Variants in GALNTL6 observed in about 807,000 individuals in gnomAD.
GALNTL6 encodes the protein polypeptide N-acetylgalactosaminyltransferase like 6, also known as polypeptide N-acetylgalactosaminyltransferase-like 6.
GALNTL6 carries 46 observed loss-of-function variants against 73.7 expected under a neutral mutation model. The observed-to-expected ratio is 0.62, with a 90% confidence interval of 0.49 to 0.80. The LOEUF is 0.80. GALNTL6 is among the 30% of genes least tolerant of loss of function. The pLI, the probability that GALNTL6 is intolerant of heterozygous loss-of-function variation, is 0.00. For missense variants in GALNTL6, 604 were observed against 755.0 expected, an observed-to-expected ratio of 0.80 and a Z score of 2.34; for synonymous variants, 259 against 263.7, an observed-to-expected ratio of 0.98 and a Z score of 0.17.
chr4:172,574,964 ACG>A (rs1236551118), intron 5 of GALNTL6, among the ~76,000 whole-genome samples: 2 of 141,254 alleles, frequency 1.4e-5, no homozygotes, highest in Admixed American at 7.1e-5. Flanking sequence ...ACACACACAC[ACG>A]ATTAGAAAGT....
At chr4:171,819,772 T>C (rs969349161) in intron 2 of GALNTL6, among the ~76,000 whole-genome samples, 2 of 152,154 alleles carry the variant, frequency 1.3e-5, no homozygotes, top group African/African-American at 4.8e-5. Flanking sequence ...GACTTAGATA[T>C]GTTTCGTGCA....
chr4:172,950,195 CCATGT>C (rs1749375980), intron 9 of GALNTL6, among the ~76,000 whole-genome samples: 1 of 152,132 alleles, frequency 6.6e-6, no homozygotes, highest in Non-Finnish European at 1.5e-5. Flanking sequence ...TATTACAAAA[CCATGT>C]TGACTCTGAT....
At chr4:172,413,887 A>G (rs1490659864) in intron 5 of GALNTL6, among the ~76,000 whole-genome samples, 1 of 152,148 alleles carries the variant, frequency 6.6e-6, no homozygotes, top group African/African-American at 2.4e-5. Flanking sequence ...ATGTCTAAGA[A>G]TATGAAAAGT....
At chr4:172,433,460 T>C (rs1411419481) in intron 5 of GALNTL6, among the ~76,000 whole-genome samples, 1 of 152,096 alleles carries the variant, frequency 6.6e-6, no homozygotes, top group Non-Finnish European at 1.5e-5. Context: ...CCCTGCCTGA[T>C]GGACACGGCT....
At chr4:172,365,087 G>A (rs1426765974) in intron 5 of GALNTL6, among the ~76,000 whole-genome samples, 2 of 152,174 alleles carry the variant, frequency 1.3e-5, no homozygotes, top group African/African-American at 2.4e-5. Context: ...GGTTTATTTT[G>A]GAGAATAAAT....
intron 5 of GALNTL6, among the ~76,000 whole-genome samples, chr4:172,657,419 A>C (rs1731090767): frequency 6.6e-6 from 1 of 152,212 alleles, no homozygotes; most frequent in Non-Finnish European, 1.5e-5. Context: ...GAAGTAAAAT[A>C]AGCCCATAGC....
At chr4:172,475,997 A>G (rs1345527491) in intron 5 of GALNTL6, among the ~76,000 whole-genome samples, 1 of 152,228 alleles carries the variant, frequency 6.6e-6, no homozygotes, top group African/African-American at 2.4e-5. Context: ...AATTAAAGAT[A>G]TAACTGCAAT....
At chr4:172,001,135 C>T (rs757841690) in intron 2 of GALNTL6, among the ~76,000 whole-genome samples, 10 of 151,992 alleles carry the variant, frequency 6.6e-5, no homozygotes, top group East Asian at 1.9e-4. Context: ...AAAGAATCTT[C>T]GCAACAAAAG....
At chr4:172,379,341 T>C (rs1743172195) in intron 5 of GALNTL6, among the ~76,000 whole-genome samples, 1 of 151,818 alleles carries the variant, frequency 6.6e-6, no homozygotes, top group South Asian at 2.1e-4. Flanking sequence ...CCATCCTGGC[T>C]AACAAGGTGA....
intron 5 of GALNTL6, among the ~76,000 whole-genome samples, chr4:172,484,937 A>G (rs1733617485): frequency 1.3e-5 from 2 of 152,200 alleles, no homozygotes; most frequent in East Asian, 1.9e-4. Flanking sequence ...TAATGAATTT[A>G]TCTTTTAAAT....
chr4:172,669,852 T>C (rs1229916195), intron 5 of GALNTL6, among the ~76,000 whole-genome samples: 1 of 152,064 alleles, frequency 6.6e-6, no homozygotes, highest in East Asian at 1.9e-4. Context: ...CCAGTGTTTG[T>C]TGTTCTCCTT....
intron 2 of GALNTL6, among the ~76,000 whole-genome samples, chr4:172,155,945 A>G (rs1304136791): frequency 2.0e-5 from 3 of 152,102 alleles, no homozygotes; most frequent in Admixed American, 6.5e-5. Flanking sequence ...AAGTTTACCA[A>G]ATTAATATTT....
chr4:172,461,462 C>G (rs528858302), intron 5 of GALNTL6, among the ~76,000 whole-genome samples: 1 of 152,138 alleles, frequency 6.6e-6, no homozygotes, highest in Admixed American at 6.5e-5. Context: ...CTGGTTGGAC[C>G]ACAGAACTTA....
chr4:172,910,281 AC>A (rs1209740602), intron 8 of GALNTL6, among the ~76,000 whole-genome samples: 1 of 152,238 alleles, frequency 6.6e-6, no homozygotes, highest in Non-Finnish European at 1.5e-5. Context: ...CAAGGTCTCT[AC>A]CTTATGAAAT....
chr4:172,178,837 G>A (rs1735140806), intron 2 of GALNTL6, among the ~76,000 whole-genome samples: 1 of 109,724 alleles, frequency 9.1e-6, no homozygotes. Context: ...CCCAGAGTGT[G>A]ATATTCCCCT....
At chr4:172,091,907 C>A (rs1732216347) in intron 2 of GALNTL6, among the ~76,000 whole-genome samples, 1 of 152,124 alleles carries the variant, frequency 6.6e-6, no homozygotes, top group African/African-American at 2.4e-5. Context: ...TTCATTCCTT[C>A]ATCAGTTTAG....
At chr4:172,074,764 A>G (rs570135417) in intron 2 of GALNTL6, among the ~76,000 whole-genome samples, 4 of 152,260 alleles carry the variant, frequency 2.6e-5, no homozygotes, top group Admixed American at 6.5e-5. Context: ...AATTGCAAAA[A>G]CGAGAATATC....
intron 5 of GALNTL6, among the ~76,000 whole-genome samples, chr4:172,587,530 AGT>A (rs1293470119): frequency 6.6e-6 from 1 of 152,180 alleles, no homozygotes; most frequent in African/African-American, 2.4e-5. Context: ...GGCTTTCCAC[AGT>A]GTGTCTCCCA....
chr4:172,306,243 G>T (rs1007586032), intron 3 of GALNTL6, among the ~76,000 whole-genome samples: 2 of 152,022 alleles, frequency 1.3e-5, no homozygotes, highest in African/African-American at 2.4e-5. Context: ...ACAAAAATTA[G>T]CTGGGCATGG....
Sources: gnomAD v4.1 joint callset for allele counts (sites outside exome capture counted in the v4.1 genomes callset) on GRCh38, gnomAD v4.1.1 for gene constraint, MANE v1.5 for transcripts, NCBI Gene and HGNC (gene_info 2026-07-23, HGNC 2026-07-21) for gene names.